The following WIPI2 variants were observed in gnomAD, a reference collection of about 807,000 sequenced individuals.
WIPI2 encodes the protein WD repeat domain, phosphoinositide interacting 2.
Under a neutral mutation model 52.3 loss-of-function variants are expected in WIPI2, and 28 were observed. The ratio of observed to expected loss-of-function variants is 0.54; its 90% CI spans 0.40 to 0.73. The LOEUF (loss-of-function observed/expected upper bound fraction) is 0.73. Ranked by LOEUF, WIPI2 falls within the 30% of genes least tolerant of loss-of-function variation. The pLI, the probability that WIPI2 is intolerant of heterozygous loss-of-function variation, is 0.00. For missense variants in WIPI2, 506 were observed against 602.9 expected (o/e 0.84, Z 1.68); for synonymous variants, 268 against 245.0 (o/e 1.09, Z -0.88).
At chr7:5,212,105 G>C (rs1782589241) in intron 3 of WIPI2, among the ~76,000 whole-genome samples, 1 of 152,148 alleles carries the variant, frequency 6.6e-6, no homozygotes, top group African/African-American at 2.4e-5. Flanking sequence ...GGAGTTTGGG[G>C]AATATCCAAA....
In WIPI2 at chr7:5,192,502, G is replaced by A. The variant is rs538500447; in HGVS notation, c.75-616G>A. On this transcript the variant is annotated intron_variant, in intron 1 of 12. Transcript: ENST00000288828. ...CTGTGTCACAGAAGAGTGTCACTCT[G>A]GCCTGAAATAGGACCTTTTCACACT... is the stretch of plus-strand genomic sequence containing the variant. Among the ~76,000 whole-genome samples the A allele has an allele frequency of 3.3e-5, 5 of 152,276 alleles. No individual in the cohort carries two copies. The South Asian group carries it at 1.0e-3, about 32-fold the overall frequency.
In WIPI2 at chr7:5,228,198, A is replaced by G. The variant is rs1474422031; in HGVS notation, c.1108A>G (p.Met370Val). The G allele has an allele frequency of 6.2e-7, 1 of 1,612,992 alleles. No individual in the cohort carries two copies. Among genetic ancestry groups the G allele is most frequent in the African/African-American group, 1.3e-5 (1 of 74,920 alleles). Residue 370 changes from methionine to valine, a missense_variant, in exon 11 of 13, where the codon ATG becomes GTG. Physicochemically the swap from Met to Val is conservative, Grantham distance 21 (BLOSUM62 1). Transcript: ENST00000288828. ...DPQEGGECALMKQHRLDGSLE... is the reference protein window; with the variant it reads ...DPQEGGECALVKQHRLDGSLE... ...CCAGGAGGGCGGCGAGTGTGCCCTG[A>G]TGAAGCAGCACCGGTGAGTCTGCTC...
At chr7:5,197,979 A>G (rs1781832500) in intron 2 of WIPI2, among the ~76,000 whole-genome samples, 1 of 152,066 alleles carries the variant, frequency 6.6e-6, no homozygotes, top group African/African-American at 2.4e-5. Flanking sequence ...TGATGAGGAA[A>G]CCCCTTCTGT....
At chr7:5,202,364 C>T (rs781721184) in intron 3 of WIPI2, among the ~76,000 whole-genome samples, 1 of 152,102 alleles carries the variant, frequency 6.6e-6, no homozygotes, top group African/African-American at 2.4e-5. Flanking sequence ...ATAGGCTTTG[C>T]ACATTGTTTA....
chr7:5,206,850 T>C lies in WIPI2; in HGVS notation c.211+7192T>C, dbSNP rs185333239. Among the ~76,000 whole-genome samples the C allele has an allele frequency of 1.8e-4, 28 of 152,352 alleles. No homozygotes were observed. In the East Asian group the frequency reaches 5.2e-3, roughly 28 times the overall value. ...TGGAGTGCAGTGGTGCAATCATAGC[T>C]TGCTACAGCTTTGACCTCTGGGGCT... On this transcript the variant is annotated intron_variant, in intron 3 of 12. Transcript: ENST00000288828.
At chr7:5,210,799 C>T (rs1782518795) in intron 3 of WIPI2, among the ~76,000 whole-genome samples, 2 of 152,176 alleles carry the variant, frequency 1.3e-5, no homozygotes, top group Non-Finnish European at 2.9e-5. Context: ...GGTAGGTGGC[C>T]TCTGGTCGCA....
chr7:5,228,491 A>C (rs961240174), intron 11 of WIPI2, among the ~76,000 whole-genome samples: 1 of 152,088 alleles, frequency 6.6e-6, no homozygotes, highest in Admixed American at 6.5e-5. Context: ...ATTTGTTCTT[A>C]GGTGGGGGAG....
At position 5,230,722 on chromosome 7, in the gene WIPI2, G is replaced by C. The variant is rs989680200; in HGVS notation, c.1253-113G>C. 9.3e-5 allele frequency: 62 copies of C among 665,524 alleles called. No individual in the cohort carries two copies. In the Middle Eastern group the frequency reaches 2.2e-3, roughly 24 times the overall value. The allele number at this position is 665,524 out of a possible 1,614,324, so 41.2% of individuals were successfully genotyped here. A position where few individuals can be genotyped will look rare whatever the true frequency, so the allele number is the denominator to read the frequency against. Reference sequence around the variant, plus strand: ...CAGAATTCAGAACGTCTTAGTACAGGCTTCAGTTTATAAATATACACCAGT... The same window carrying C: ...CAGAATTCAGAACGTCTTAGTACAGCCTTCAGTTTATAAATATACACCAGT... On this transcript the variant is annotated intron_variant, in intron 12 of 12. Transcript: ENST00000288828. This position sits in a 1 kb window ranked among gnomAD's most constrained non-coding sequence, Gnocchi z 4.8.
chr7:5,203,596 G>A (rs1314835545), intron 3 of WIPI2, among the ~76,000 whole-genome samples: 1 of 151,432 alleles, frequency 6.6e-6, no homozygotes, highest in Non-Finnish European at 1.5e-5. Flanking sequence ...CCTCCAGTGG[G>A]ATGGAAGTCA....
At chr7:5,229,863 A>G in intron 12 of WIPI2, 125 bp downstream of exon 12, 1 of 1,379,734 alleles carries the variant, frequency 7.2e-7, no homozygotes, top group Non-Finnish European at 9.7e-7. Flanking sequence ...GGTTCTGAGA[A>G]CATAAGCGAG....
intron 3 of WIPI2, among the ~76,000 whole-genome samples, chr7:5,203,618 G>C (rs905274940): frequency 7.0e-6 from 1 of 142,110 alleles, no homozygotes; most frequent in Admixed American, 7.0e-5. Flanking sequence ...TAAAGTTTAC[G>C]TTCAGCCTTT....
intron 2 of WIPI2, among the ~76,000 whole-genome samples, chr7:5,197,670 T>A (rs2115208648): frequency 6.6e-6 from 1 of 152,318 alleles, no homozygotes; most frequent in East Asian, 1.9e-4. Flanking sequence ...TTCTTCCACA[T>A]ACGTGTGAAA....
intron 7 of WIPI2, among the ~76,000 whole-genome samples, chr7:5,222,060 C>G (rs1783166027): frequency 6.6e-6 from 1 of 150,450 alleles, no homozygotes. Context: ...AGCGATTCTT[C>G]TGCCTCAGCC....
intron 2 of WIPI2, among the ~76,000 whole-genome samples, 195 bp from the exon 3 acceptor site, chr7:5,199,381 G>T (rs143060811): frequency 9.2e-5 from 14 of 152,314 alleles, no homozygotes; most frequent in African/African-American, 3.4e-4. Flanking sequence ...AATATTGTCT[G>T]TATTTTATTG....
intron 2 of WIPI2, among the ~76,000 whole-genome samples, chr7:5,198,296 T>A (rs763931733): frequency 6.6e-5 from 10 of 152,086 alleles, no homozygotes; most frequent in Non-Finnish European, 1.0e-4. Context: ...TCGTTTAAAA[T>A]TTAGAAAATT....
chr7:5,222,131 TAG>T (rs1783172109), intron 7 of WIPI2, among the ~76,000 whole-genome samples: 1 of 152,138 alleles, frequency 6.6e-6, no homozygotes, highest in Admixed American at 6.5e-5. Flanking sequence ...GTATTTTTAG[TAG>T]AGACACAGTT....
chr7:5,203,465 A>G (rs550560152), intron 3 of WIPI2, among the ~76,000 whole-genome samples: 1 of 152,314 alleles, frequency 6.6e-6, no homozygotes, highest in South Asian at 2.1e-4. Context: ...AAAAAGCAAC[A>G]TTCTTTTTTA....
rs1228790205 is a variant in WIPI2 at position 5,233,175 on chromosome 7, G to C, written c.*2228G>C. 1.3e-5 allele frequency: 2 copies of C among 152,296 alleles called. No individual in the cohort carries two copies. The highest frequency in any genetic ancestry group is 3.8e-4 in the East Asian group (2 of 5,196). 9.4% of individuals were successfully genotyped at this position (152,296 alleles called of 1,614,324 possible). A position where few individuals can be genotyped will look rare whatever the true frequency, so the allele number is the denominator to read the frequency against. On this transcript the variant is annotated 3_prime_UTR_variant, in exon 13 of 13. Coordinates refer to ENST00000288828, the MANE Select transcript of WIPI2 (RefSeq NM_015610.4). ...ATTCTTGGTCGAGAAGAATGAAGAG[G>C]ATTTCTGTGTTTGCTGAGCAGCCAT...
intron 3 of WIPI2, chr7:5,214,198 G>C (rs1782699280): frequency 1.2e-5 from 14 of 1,160,872 alleles, no homozygotes; most frequent in African/African-American, 1.6e-5. Flanking sequence ...CTTAATTAAG[G>C]GAGCCCCTAG....
Sources: allele counts gnomAD v4.1 joint callset (sites outside exome capture counted in the v4.1 genomes callset), GRCh38; gene constraint gnomAD v4.1.1; non-coding constraint Gnocchi (gnomAD v3.1); transcripts MANE v1.5; gene names NCBI Gene and HGNC (gene_info 2026-07-23, HGNC 2026-07-21).